Variants in NF2 observed in about 807,000 individuals in gnomAD.
NF2 encodes the protein NF2, moesin-ezrin-radixin like (MERLIN) tumor suppressor.
Under a neutral mutation model 83.7 loss-of-function variants are expected in NF2, and 8 were observed. The ratio of observed to expected loss-of-function variants is 0.10; its 90% CI spans 0.06 to 0.17. The LOEUF is 0.17. Among genes scored for constraint, NF2 ranks in the 10% least tolerant of loss-of-function variants. The probability of loss-of-function intolerance (pLI) is 1.00; values close to 1 mark genes in which losing one functional copy is unlikely to be tolerated. For synonymous variants in NF2, 266 were observed against 269.6 expected (o/e 0.99, Z 0.13); for missense variants, 533 against 744.4 (o/e 0.72, Z 3.31).
chr22:29,668,785 C>T (rs923007793), intron 10 of NF2, among the ~76,000 whole-genome samples: 13 of 152,324 alleles, frequency 8.5e-5, no homozygotes, highest in African/African-American at 2.4e-4. Flanking sequence ...TGCCTGTCTG[C>T]CTCCTTGTGC....
At chr22:29,642,349 ATCT>A (rs1344610778) in intron 4 of NF2, 64 bp downstream of exon 4, 1 of 1,312,054 alleles carries the variant, frequency 7.6e-7, no homozygotes, top group Non-Finnish European at 1.1e-6. Context: ...GATCACTCCT[ATCT>A]TCTCTTTCTT....
chr22:29,603,563 C>T, upstream of NF2: 1 of 389,030 alleles, frequency 2.6e-6, no homozygotes, highest in Non-Finnish European at 4.5e-6. Flanking sequence ...GGGTGCGCTT[C>T]CCGCGGGCGC....
intron 6 of NF2, among the ~76,000 whole-genome samples, chr22:29,657,815 C>T (rs891269335): frequency 5.3e-5 from 8 of 152,126 alleles, no homozygotes; most frequent in Non-Finnish European, 8.8e-5. Flanking sequence ...AAAGGAAAAG[C>T]AAGAACTTAA....
rs780003734 is a variant in NF2, at chr22:29,661,228, G to T, written c.699G>T (p.Leu233=). The change falls in exon 8 of 16, where the codon CTG becomes CTT. Residue 233 remains leucine (L), a synonymous_variant. Transcript: ENST00000338641. ...AGAATAAAAAGGGCACAGAGCTGCT[G>T]CTTGGAGTGGATGCCCTGGGGCTTC... ...AIRNKKGTEL[L]LGVDALGLHI... The T allele has an allele frequency of 8.7e-6, 14 of 1,614,132 alleles. No homozygotes were observed. Among genetic ancestry groups the T allele is most frequent in the Admixed American group, 5.0e-5 (3 of 60,012 alleles).
At chr22:29,637,003 T>A in intron 2 of NF2, 127 bp downstream of exon 2, 1 of 1,387,464 alleles carries the variant, frequency 7.2e-7, no homozygotes, top group Non-Finnish European at 1.0e-6. Flanking sequence ...ATTCCTGAAT[T>A]AAGTCATGCA....
chr22:29,624,868 T>C (rs2146786326), intron 1 of NF2, among the ~76,000 whole-genome samples: 3 of 143,668 alleles, frequency 2.1e-5, no homozygotes, highest in Middle Eastern at 3.5e-3. Context: ...TTTCTTTCTT[T>C]CTCTTTCTCT....
rs1018359496 is a variant in NF2, at chr22:29,681,246, AATG to A, written c.1575-188_1575-186del. 3.9e-5 allele frequency among the ~76,000 whole-genome samples: 6 copies of A among 152,118 alleles called. No individual in the cohort carries two copies. The East Asian group carries it at 9.7e-4, about 25-fold the overall frequency. On this transcript the variant is annotated intron_variant, in intron 14 of 15. Coordinates refer to ENST00000338641, the MANE Select transcript of NF2 (RefSeq NM_000268.4). ...GCCCTGTGATCATTATCCCAATTTT[AATG>A]ATGAGGAAACATTCATAGCATTTAA...
At chr22:29,614,374 C>T (rs2065029777) in intron 1 of NF2, among the ~76,000 whole-genome samples, 1 of 152,036 alleles carries the variant, frequency 6.6e-6, no homozygotes, top group African/African-American at 2.4e-5. Context: ...GTCAGGAGAT[C>T]AAGACCATCC....
chr22:29,662,626 C>T lies in NF2; in HGVS notation c.810+1287C>T, dbSNP rs138162552. On this transcript the variant is annotated intron_variant, in intron 8 of 15. Transcript: ENST00000338641. ...CACATACAAGCACATTCACCCTGAC[C>T]GTCTGAATTTAATCTCTATAAGAAC... is the stretch of plus-strand genomic sequence containing the variant. Among the ~76,000 whole-genome samples, 434 of 152,280 alleles carry T rather than the reference C, an allele frequency of 2.9e-3. 3 individuals carry two copies. The highest frequency in any genetic ancestry group is 4.4e-3 in the Non-Finnish European group (300 of 68,016).
chr22:29,643,621 C>T (rs1388337513), intron 4 of NF2, among the ~76,000 whole-genome samples: 1 of 152,194 alleles, frequency 6.6e-6, no homozygotes, highest in Non-Finnish European at 1.5e-5. Flanking sequence ...GGTCACAGAT[C>T]AACAGGATCC....
At chr22:29,632,676 A>C (rs934694062) in intron 1 of NF2, among the ~76,000 whole-genome samples, 1 of 152,088 alleles carries the variant, frequency 6.6e-6, no homozygotes, top group Non-Finnish European at 1.5e-5. Flanking sequence ...AACTGGCTTT[A>C]AGTCTTTGAG....
chr22:29,632,847 C>T (rs1017485993), intron 1 of NF2, among the ~76,000 whole-genome samples: 2 of 152,138 alleles, frequency 1.3e-5, no homozygotes, highest in Non-Finnish European at 2.9e-5. Flanking sequence ...GGGAGATGTT[C>T]AGAGGACAGT....
intron 3 of NF2, among the ~76,000 whole-genome samples, chr22:29,639,518 A>AT (rs1427433740): frequency 1.3e-5 from 2 of 152,212 alleles, no homozygotes; most frequent in Admixed American, 1.3e-4. Context: ...AGTACTCAAT[A>AT]GTTTCAAAGG....
chr22:29,671,296 C>T (rs892162441), intron 10 of NF2, among the ~76,000 whole-genome samples: 4 of 152,090 alleles, frequency 2.6e-5, no homozygotes, highest in African/African-American at 9.7e-5. Context: ...TTTGGGAGGC[C>T]AAGGTGGGTG....
At chr22:29,607,932 G>T (rs2064841195) in intron 1 of NF2, among the ~76,000 whole-genome samples, 1 of 151,988 alleles carries the variant, frequency 6.6e-6, no homozygotes. Flanking sequence ...CAGCACTTTG[G>T]GAGGCTGAGG....
intron 14 of NF2, among the ~76,000 whole-genome samples, chr22:29,679,281 A>G (rs543117240): frequency 7.9e-5 from 12 of 152,140 alleles, no homozygotes; most frequent in Non-Finnish European, 1.6e-4. Flanking sequence ...CTTTGGGGAA[A>G]GTGTCTCCAT....
intron 1 of NF2, among the ~76,000 whole-genome samples, chr22:29,622,332 T>G (rs1016975960): frequency 1.3e-5 from 2 of 152,214 alleles, no homozygotes; most frequent in African/African-American, 4.8e-5. Flanking sequence ...ACATTTTCTG[T>G]AAGTGAATCA....
At chr22:29,603,586 C>A (rs1890851644), upstream of NF2, 2 of 395,496 alleles carry the variant, frequency 5.1e-6, no homozygotes, top group Non-Finnish European at 8.9e-6. Context: ...GGAGTGAGGA[C>A]GGTGACAGCC....
intron 1 of NF2, among the ~76,000 whole-genome samples, chr22:29,606,493 G>A (rs181923952): frequency 3.3e-5 from 5 of 152,302 alleles, no homozygotes; most frequent in African/African-American, 1.2e-4. Context: ...CCTTGGCTCC[G>A]GGATTTTGCC....
Sources: allele counts gnomAD v4.1 joint callset (sites outside exome capture counted in the v4.1 genomes callset), GRCh38; gene constraint gnomAD v4.1.1; transcripts MANE v1.5; gene names NCBI Gene and HGNC (gene_info 2026-07-23, HGNC 2026-07-21).